AMBN: variants seen among roughly 807,000 people sequenced by gnomAD.
The protein encoded by AMBN is ameloblastin.
A neutral mutation model predicts 48.0 loss-of-function variants in AMBN; 54 were observed. The observed-to-expected ratio is 1.12, with a 90% CI of 0.90 to 1.41. The LOEUF is 1.41. AMBN is among the 40% of genes most tolerant of loss of function. The pLI is 0.00. For synonymous variants in AMBN, 186 were observed against 190.0 expected (o/e 0.98, Z 0.17); for missense variants, 571 against 547.3 (o/e 1.04, Z -0.43).
intron 3 of AMBN, among the ~76,000 whole-genome samples, chr4:70,597,753 G>GT (rs1347180398): frequency 3.3e-5 from 5 of 152,010 alleles, no homozygotes; most frequent in Non-Finnish European, 5.9e-5. Flanking sequence ...TTCGCTGAGG[G>GT]TTTTTTTCTC....
In AMBN at chr4:70,598,366, A is replaced by C. The variant is rs1469681533; in HGVS notation, c.146A>C (p.Gln49Pro). 7.7e-5 allele frequency: 122 copies of C among 1,584,814 alleles called. 1 individual carries two copies. The Admixed American group carries it at 2.2e-3, about 28-fold the overall frequency. The stretch of plus-strand genomic sequence containing the variant: ...TTTTTTTCTTGATAGACAATGAGAC[A>C]GTTGGGAAGTCTGCAGAGATTAAAC... ...MASLSLETMR[Q>P]LGSLQRLNTL... Residue 49 changes from glutamine (Q) to proline (P), a missense_variant, in exon 4 of 13, where the codon CAG becomes CCG. Coordinates refer to ENST00000322937, the MANE Select transcript of AMBN (RefSeq NM_016519.6).
At chr4:70,606,146 T>C (rs780349174) in intron 12 of AMBN, 39 bp from the exon 13 acceptor site, 3 of 1,607,528 alleles carry the variant, frequency 1.9e-6, no homozygotes, top group South Asian at 1.1e-5. Context: ...GTTAATAGCA[T>C]GTGATGATGG....
Position 70,606,770 on chromosome 4 carries a change from T to C in AMBN, c.*40T>C. 6.4e-7 allele frequency: 1 copy of C among 1,566,398 alleles called. No homozygotes were observed. The highest frequency in any genetic ancestry group is 8.6e-7 in the Non-Finnish European group (1 of 1,156,196). On this transcript the variant is annotated 3_prime_UTR_variant, in exon 13 of 13. Transcript: ENST00000322937. ...TAGCTACTTTCTGTATGCACAAGCT[T>C]CCCAGCTTTGTCCCCACAGTGTACC... is the stretch of plus-strand genomic sequence containing the variant.
chr4:70,607,264 A>C lies in AMBN; in HGVS notation c.*534A>C, dbSNP rs1737684867. On this transcript the variant is annotated 3_prime_UTR_variant, in exon 13 of 13. Coordinates refer to ENST00000322937, the MANE Select transcript of AMBN (RefSeq NM_016519.6). ...TAGTATAAAAAATCTAGCCTATTTT[A>C]AATAAAGAATTTTTCTCACTGAAAT... 6.6e-6 allele frequency: 1 copy of C among 152,582 alleles called. No homozygotes were observed. Among genetic ancestry groups the C allele is most frequent in the Non-Finnish European group, 1.5e-5 (1 of 68,044 alleles). 9.5% of individuals were successfully genotyped at this position (152,582 alleles called of 1,614,324 possible).
At chr4:70,601,282 T>C in intron 5 of AMBN, 136 bp from the exon 6 acceptor site, 3 of 877,274 alleles carry the variant, frequency 3.4e-6, no homozygotes, top group South Asian at 1.6e-5. Flanking sequence ...GCTTGCTATG[T>C]AAACTCAACT....
chr4:70,601,874 A>G (rs991451374), intron 6 of AMBN: 5 of 666,286 alleles, frequency 7.5e-6, no homozygotes, highest in Non-Finnish European at 1.1e-5. Context: ...ATTCTAAAAG[A>G]TACTGTGCCT....
intron 2 of AMBN, among the ~76,000 whole-genome samples, chr4:70,594,142 A>G (rs1356830269): frequency 6.6e-6 from 1 of 152,222 alleles, no homozygotes; most frequent in Admixed American, 6.5e-5. Context: ...AGATAATTCC[A>G]TTTAAAGCTA....
intron 2 of AMBN, among the ~76,000 whole-genome samples, chr4:70,595,781 C>T (rs938216382): frequency 6.6e-6 from 1 of 152,078 alleles, no homozygotes; most frequent in Non-Finnish European, 1.5e-5. Flanking sequence ...CTCTTCCATT[C>T]GCCATGTTTT....
chr4:70,602,655 G>T lies in AMBN; in HGVS notation c.563G>T (p.Gly188Val), dbSNP rs1426609589. The change falls in exon 7 of 13, where the codon GGT (glycine) becomes GTT (valine). Residue 188 changes from glycine to valine, a missense_variant. Gly to Val is a moderately radical substitution (Grantham distance 109). Transcript: ENST00000322937. ...LPGVDFADPQ[G>V]PSLPGMDFPD... ...GGAGTAGATTTTGCTGATCCACAAGGTCCATCAGTAAGTACAGATCTCAAT... is the reference window on the plus strand; with the variant it reads ...GGAGTAGATTTTGCTGATCCACAAGTTCCATCAGTAAGTACAGATCTCAAT... 6.4e-7 allele frequency: 1 copy of T among 1,572,988 alleles called. No homozygotes were observed. Among genetic ancestry groups the T allele is most frequent in the South Asian group, 1.2e-5 (1 of 82,688 alleles).
At chr4:70,593,461 A>C in intron 2 of AMBN, 66 bp downstream of exon 2, 1 of 1,351,884 alleles carries the variant, frequency 7.4e-7, no homozygotes, top group Admixed American at 1.7e-5. Context: ...ACAACACTGA[A>C]GGGATATGGA....
chr4:70,598,305 G>A (rs1168437571), intron 3 of AMBN, 51 bp from the exon 4 acceptor site: 15 of 1,346,284 alleles, frequency 1.1e-5, no homozygotes, highest in Non-Finnish European at 1.5e-5. Context: ...AATCAGTTGT[G>A]TCAAACACAG....
At position 70,603,463 on chromosome 4, in the gene AMBN, A is replaced by G. The variant is rs376440889; in HGVS notation, c.753+3A>G. On this transcript the variant is annotated splice_donor_region_variant and intron_variant, in intron 11 of 12. Coordinates refer to ENST00000322937, the MANE Select transcript of AMBN (RefSeq NM_016519.6). Reference sequence around the variant, plus strand: ...TGCCTTTTGGAGCAAATCAATTGGTAAGTCCATATTCTATAAAAAGTATTG... The same window carrying G: ...TGCCTTTTGGAGCAAATCAATTGGTGAGTCCATATTCTATAAAAAGTATTG... 254 of 1,611,232 alleles carry G rather than the reference A, an allele frequency of 1.6e-4. No individual in the cohort carries two copies. Among genetic ancestry groups the G allele is most frequent in the Middle Eastern group, 4.2e-4 (2 of 4,796 alleles).
intron 6 of AMBN, chr4:70,601,988 G>A (rs997471134): frequency 2.3e-5 from 11 of 477,720 alleles, no homozygotes; most frequent in Non-Finnish European, 4.5e-5. Flanking sequence ...TTTTGGTATT[G>A]GAAAAACTGA....
At chr4:70,606,129 T>C (rs767284722) in intron 12 of AMBN, 56 bp from the exon 13 acceptor site, 958 of 1,582,776 alleles carry the variant, frequency 6.1e-4, no homozygotes, top group Non-Finnish European at 7.9e-4. Context: ...TATAGCTGCA[T>C]GGTATAGTTA....
chr4:70,604,015 C>T, intron 12 of AMBN, 94 bp downstream of exon 12: 1 of 1,260,830 alleles, frequency 7.9e-7, no homozygotes, highest in South Asian at 1.3e-5. Context: ...TGAATGTAGC[C>T]AAATGAGCAT....
At chr4:70,593,234 A>G (rs1737314128) in intron 1 of AMBN, 93 bp from the exon 2 acceptor site, 6 of 994,184 alleles carry the variant, frequency 6.0e-6, no homozygotes, top group African/African-American at 1.6e-5. Context: ...TTTTTGTAAG[A>G]GCAGAGACTC....
Position 70,601,559 on chromosome 4 carries a change from C to T in AMBN, c.436C>T (p.Pro146Ser), listed in dbSNP as rs369224560. The T allele has an allele frequency of 3.7e-6, 6 of 1,614,058 alleles. No homozygotes were observed. Among genetic ancestry groups the T allele is most frequent in the Middle Eastern group, 1.6e-4 (1 of 6,082 alleles). ...QATALKEALQ[P>S]PIHLGHLPLQ... ...CACAGCACTGAAAGAAGCACTTCAG[C>T]CTCCAATTCACCTGGGACATCTGCC... Residue 146 changes from proline to serine, a missense_variant, in exon 6 of 13, where the codon CCT becomes TCT. Pro to Ser is a moderately conservative substitution (Grantham distance 74, BLOSUM62 -1). Coordinates refer to ENST00000322937, the MANE Select transcript of AMBN (RefSeq NM_016519.6).
intron 2 of AMBN, among the ~76,000 whole-genome samples, chr4:70,594,594 AG>A (rs1383561202): frequency 1.3e-5 from 2 of 152,248 alleles, no homozygotes; most frequent in Admixed American, 6.5e-5. Flanking sequence ...ATGGAGAAAG[AG>A]GTTGAAAACT....
At chr4:70,601,777 T>C (rs1301264879) in intron 6 of AMBN, 123 bp downstream of exon 6, 8 of 870,974 alleles carry the variant, frequency 9.2e-6, no homozygotes, top group Non-Finnish European at 1.3e-5. Flanking sequence ...AAATATATTC[T>C]TAATCAGTCT....
Sources: allele counts gnomAD v4.1 joint callset (sites outside exome capture counted in the v4.1 genomes callset), GRCh38; gene constraint gnomAD v4.1.1; transcripts MANE v1.5; gene names NCBI Gene and HGNC (gene_info 2026-07-23, HGNC 2026-07-21).